Variants in IQSEC3 observed in about 807,000 individuals in gnomAD.
The protein encoded by IQSEC3 is IQ motif and SEC7 domain-containing protein 3.
In IQSEC3, 50 loss-of-function variants were observed where a neutral mutation model predicts 105.4. The observed-to-expected ratio is 0.47, with a 90% CI of 0.38 to 0.60. IQSEC3 has a LOEUF of 0.60. Among genes scored for constraint, IQSEC3 ranks in the 20% least tolerant of loss-of-function variants. IQSEC3 has a pLI of 0.00. For synonymous variants in IQSEC3, 708 were observed against 746.0 expected, an observed-to-expected ratio of 0.95 and a Z score of 0.83; for missense variants, 1,415 against 1,630.0, an observed-to-expected ratio of 0.87 and a Z score of 2.27.
chr12:107,730 C>T (rs782170157), intron 2 of IQSEC3, among the ~76,000 whole-genome samples: 1 of 151,942 alleles, frequency 6.6e-6, no homozygotes, highest in Non-Finnish European at 1.5e-5. Flanking sequence ...TTTCTAACTA[C>T]CTTTTTGTTT....
chr12:75,366 CT>C (rs1863476892), intron 1 of IQSEC3, among the ~76,000 whole-genome samples: 1 of 152,104 alleles, frequency 6.6e-6, no homozygotes, highest in Admixed American at 6.5e-5. Flanking sequence ...CCTTGTTTGG[CT>C]CTGGTAAGGA....
At chr12:163,643 TGGGCTGGGCTG>T (rs782738616) in intron 9 of IQSEC3, 24 bp downstream of exon 9, 1 of 1,296,890 alleles carries the variant, frequency 7.7e-7, no homozygotes, top group Non-Finnish European at 1.1e-6. Context: ...GCTCCGGGAC[TGGGCTGGGCTG>T]GGGCTGCCTC....
Position 139,368 on chromosome 12 carries a change from G to GGCCCCCA in IQSEC3, c.1991+19_1991+25dup, listed in dbSNP as rs1555088420. On this transcript the variant is annotated intron_variant, in intron 4 of 13. Transcript: ENST00000538872. ...CCTCTTCAACATGTAAGTCAGCCCC[G>GGCCCCCA]GCCCCCAGCCCGGAGTCCTGGGCGT... The GGCCCCCA allele has an allele frequency of 4.6e-6, 7 of 1,527,478 alleles. 1 individual carries two copies. The allele number at this position is 1,527,478 out of a possible 1,614,324, so 94.6% of individuals were successfully genotyped here. A position where few individuals can be genotyped will look rare whatever the true frequency, so the allele number is the denominator to read the frequency against.
chr12:79,230 A>ACC (rs55672031), intron 1 of IQSEC3, among the ~76,000 whole-genome samples: 16 of 151,064 alleles, frequency 1.1e-4, no homozygotes, highest in African/African-American at 1.9e-4. Context: ...GCCCTCCCTC[A>ACC]CCCCCCGCCT....
intron 2 of IQSEC3, among the ~76,000 whole-genome samples, chr12:109,602 A>G (rs1480919777): frequency 7.1e-6 from 1 of 141,274 alleles, no homozygotes; most frequent in East Asian, 1.9e-4. Context: ...ACTCTCCTCC[A>G]CATCCCCTTC....
chr12:162,751 G>A (rs528554501), intron 8 of IQSEC3, among the ~76,000 whole-genome samples: 17 of 152,132 alleles, frequency 1.1e-4, no homozygotes, highest in Non-Finnish European at 2.2e-4. Context: ...GGTTGCAAGC[G>A]ACTGGTTTGT....
intron 5 of IQSEC3, chr12:142,071 G>T (rs1472908793): frequency 3.3e-5 from 5 of 152,274 alleles, no homozygotes; most frequent in Admixed American, 6.5e-5. Flanking sequence ...GCTTCCACTG[G>T]TCCCCGAGGT....
At chr12:70,026 G>A (rs1433190740) in intron 1 of IQSEC3, among the ~76,000 whole-genome samples, 1 of 152,268 alleles carries the variant, frequency 6.6e-6, no homozygotes, top group Non-Finnish European at 1.5e-5. Context: ...TGGGAGTGCT[G>A]AAGCGGGAGG....
In IQSEC3 at chr12:139,014, G is replaced by C. The variant is rs1555087992; in HGVS notation, c.1651G>C (p.Glu551Gln). Residue 551 changes from glutamate to glutamine, a missense_variant, in exon 4 of 14, where the codon GAG becomes CAG. Around this residue, in one of 6 missense-constraint regions of IQSEC3, gnomAD observed 720 missense variants for 633.0 expected, o/e 1.14. Coordinates refer to ENST00000538872, the MANE Select transcript of IQSEC3 (RefSeq NM_001170738.2). ...PAVGREDASA[E>Q]DSCAEAAASG... ...CGTGGGCCGGGAGGACGCGTCAGCC[G>C]AGGACTCATGCGCAGAGGCTGCGGC... The C allele has an allele frequency of 6.6e-7, 1 of 1,516,100 alleles. No homozygotes were observed. Among genetic ancestry groups the C allele is most frequent in the South Asian group, 1.3e-5 (1 of 79,652 alleles). 93.9% of individuals were successfully genotyped at this position (1,516,100 alleles called of 1,614,324 possible).
intron 4 of IQSEC3, chr12:140,686 G>A (rs73603116): frequency 0.01 from 1,724 of 166,350 alleles, 30 homozygotes; most frequent in Middle Eastern, 0.054. Context: ...GACCTGTGAG[G>A]AACAGCTCAG....
At chr12:146,955 C>T (rs1289702916) in intron 5 of IQSEC3, among the ~76,000 whole-genome samples, 1 of 152,230 alleles carries the variant, frequency 6.6e-6, no homozygotes, top group Non-Finnish European at 1.5e-5. Flanking sequence ...TTCTCCTGAA[C>T]AGTCAACAGT....
At chr12:112,704 T>C (rs1174621168) in intron 2 of IQSEC3, among the ~76,000 whole-genome samples, 1 of 152,152 alleles carries the variant, frequency 6.6e-6, no homozygotes, top group Non-Finnish European at 1.5e-5. Context: ...TAAGAAGGCA[T>C]TCTGCATGGC....
chr12:119,675 C>T (rs565240549), intron 2 of IQSEC3, among the ~76,000 whole-genome samples: 39 of 152,318 alleles, frequency 2.6e-4, no homozygotes, highest in Admixed American at 3.9e-4. Context: ...CAGAGTCTAC[C>T]GCAAAAGCCC....
At chr12:159,004 T>C (rs1866794715) in intron 7 of IQSEC3, among the ~76,000 whole-genome samples, 1 of 152,188 alleles carries the variant, frequency 6.6e-6, no homozygotes. Flanking sequence ...AATTCCCCAT[T>C]ATAGAATGTA....
intron 1 of IQSEC3, among the ~76,000 whole-genome samples, chr12:93,549 G>A (rs1282824312): frequency 1.3e-5 from 2 of 152,248 alleles, no homozygotes; most frequent in Admixed American, 1.3e-4. Flanking sequence ...AAGGATTCAG[G>A]AAGAAGCTTG....
chr12:136,086 C>T (rs1555086306), intron 3 of IQSEC3, among the ~76,000 whole-genome samples: 1 of 152,246 alleles, frequency 6.6e-6, no homozygotes, highest in Non-Finnish European at 1.5e-5. Context: ...ATTGTGATAG[C>T]ACTGGGAGCT....
rs782190089 is a variant in IQSEC3 at position 162,072 on chromosome 12, G to A, written c.2583+7G>A. 1 of 1,613,408 alleles carries A rather than the reference G, an allele frequency of 6.2e-7. No homozygotes were observed. Among genetic ancestry groups the A allele is most frequent in the Non-Finnish European group, 8.5e-7 (1 of 1,179,804 alleles). ...CATTGTGGGCATGAAGACAGTGAGT[G>A]TCCACAAGCTACCTATCTCCCGTCT... On this transcript the variant is annotated splice_region_variant and intron_variant, in intron 8 of 13. Coordinates refer to ENST00000538872, the MANE Select transcript of IQSEC3 (RefSeq NM_001170738.2).
At chr12:137,955 C>A (rs1865835732) in intron 3 of IQSEC3, among the ~76,000 whole-genome samples, 1 of 152,044 alleles carries the variant, frequency 6.6e-6, no homozygotes, top group Non-Finnish European at 1.5e-5. Flanking sequence ...TGAGCTAATG[C>A]GCCCGGCCAT....
intron 2 of IQSEC3, 87 bp downstream of exon 2, chr12:99,301 C>A: frequency 1.6e-6 from 2 of 1,221,498 alleles, no homozygotes; most frequent in Non-Finnish European, 2.3e-6. Context: ...AGCTATTGGG[C>A]CTCCTCCTCT....
Sources: gnomAD v4.1 joint callset for allele counts (sites outside exome capture counted in the v4.1 genomes callset) on GRCh38, gnomAD v4.1.1 for gene constraint, gnomAD v4.1.1 regional missense constraint, MANE v1.5 for transcripts, NCBI Gene and HGNC (gene_info 2026-07-23, HGNC 2026-07-21) for gene names.